PELI2: variants seen among roughly 807,000 people sequenced by gnomAD.
PELI2 encodes the protein E3 ubiquitin-protein ligase pellino homolog 2.
PELI2 carries 23 observed loss-of-function variants against 42.3 expected under a neutral mutation model. The ratio of observed to expected loss-of-function variants is 0.54; its 90% CI spans 0.39 to 0.77. PELI2 has a LOEUF of 0.77. Ranked by LOEUF, PELI2 falls within the 30% of genes least tolerant of loss-of-function variation. The probability of loss-of-function intolerance (pLI) is 0.00; values close to 1 mark genes in which losing one functional copy is unlikely to be tolerated. For missense variants in PELI2, 463 were observed against 553.2 expected (o/e 0.84, Z 1.64); for synonymous variants, 245 against 212.2 (o/e 1.15, Z -1.34).
chr14:56,161,352 G>A (rs953652517), intron 1 of PELI2, among the ~76,000 whole-genome samples: 2 of 151,498 alleles, frequency 1.3e-5, no homozygotes, highest in Admixed American at 6.6e-5. Context: ...TTGGTGCCAG[G>A]CTGGAGTGCA....
At chr14:56,192,904 G>T (rs1304381208) in intron 2 of PELI2, among the ~76,000 whole-genome samples, 1 of 152,124 alleles carries the variant, frequency 6.6e-6, no homozygotes, top group Non-Finnish European at 1.5e-5. Context: ...TCACAGAATG[G>T]AGACCTAAGG....
intron 2 of PELI2, among the ~76,000 whole-genome samples, chr14:56,261,710 A>G (rs1466518673): frequency 6.6e-6 from 1 of 152,142 alleles, no homozygotes; most frequent in Non-Finnish European, 1.5e-5. Flanking sequence ...GGATCAGATG[A>G]CTGCAGTAAA....
At chr14:56,186,571 A>G (rs1358186616) in intron 2 of PELI2, among the ~76,000 whole-genome samples, 1 of 152,198 alleles carries the variant, frequency 6.6e-6, no homozygotes, top group African/African-American at 2.4e-5. Context: ...CACATTACTG[A>G]GCAGCTCTTA....
At chr14:56,290,140 A>T (rs1889779448) in intron 4 of PELI2, 128 bp from the exon 5 acceptor site, 1 of 661,530 alleles carries the variant, frequency 1.5e-6, no homozygotes, top group Non-Finnish European at 2.5e-6. Context: ...ATTAGCTTTA[A>T]ATAGAAAATG....
chr14:56,161,520 G>A lies in PELI2; in HGVS notation c.78-16815G>A, dbSNP rs531352322. On this transcript the variant is annotated intron_variant, in intron 1 of 5. Transcript: ENST00000267460. ...GATCTCTTGACCTCGCGATCCATCCGCCTTGGCCTCCCAAAGTGCTGGGAT... is the reference window on the plus strand; with the variant it reads ...GATCTCTTGACCTCGCGATCCATCCACCTTGGCCTCCCAAAGTGCTGGGAT... Among the ~76,000 whole-genome samples, 8 of 152,158 alleles carry A rather than the reference G, an allele frequency of 5.3e-5. No homozygotes were observed. The South Asian group carries it at 6.2e-4, about 12-fold the overall frequency.
intron 2 of PELI2, among the ~76,000 whole-genome samples, chr14:56,189,697 A>T (rs1447678277): frequency 6.6e-6 from 1 of 152,248 alleles, no homozygotes; most frequent in Non-Finnish European, 1.5e-5. Flanking sequence ...TAACATTTGT[A>T]CTTACTTATT....
At chr14:56,252,575 T>G (rs964706825) in intron 2 of PELI2, among the ~76,000 whole-genome samples, 1 of 152,122 alleles carries the variant, frequency 6.6e-6, no homozygotes, top group Non-Finnish European at 1.5e-5. Flanking sequence ...ATGGGTGGGT[T>G]AAGGAGCAGG....
intron 2 of PELI2, among the ~76,000 whole-genome samples, chr14:56,251,940 A>G (rs1206925357): frequency 1.3e-5 from 2 of 152,166 alleles, no homozygotes; most frequent in African/African-American, 4.8e-5. Flanking sequence ...TATACACCGT[A>G]ATTCTTTTTT....
intron 2 of PELI2, among the ~76,000 whole-genome samples, chr14:56,205,999 T>C (rs994214182): frequency 1.6e-5 from 2 of 124,696 alleles, no homozygotes; most frequent in Non-Finnish European, 3.7e-5. Flanking sequence ...GAACTACAGA[T>C]AACCTACCAA....
chr14:56,230,181 G>A (rs569400789), intron 2 of PELI2, among the ~76,000 whole-genome samples: 19 of 152,250 alleles, frequency 1.2e-4, no homozygotes, highest in African/African-American at 4.6e-4. Context: ...ACTCTTCAGG[G>A]TATTATCCAG....
At chr14:56,129,832 G>A (rs1883416119) in intron 1 of PELI2, among the ~76,000 whole-genome samples, 1 of 152,222 alleles carries the variant, frequency 6.6e-6, no homozygotes, top group Non-Finnish European at 1.5e-5. Context: ...CTCTGAGGGT[G>A]TAATTGATCC....
chr14:56,202,553 C>G (rs754621205), intron 2 of PELI2, among the ~76,000 whole-genome samples: 6 of 152,172 alleles, frequency 3.9e-5, no homozygotes, highest in Non-Finnish European at 8.8e-5. Flanking sequence ...GGCTCTGTGT[C>G]TTTCCCATTA....
intron 2 of PELI2, among the ~76,000 whole-genome samples, chr14:56,206,555 A>C (rs536414844): frequency 9.2e-5 from 14 of 152,340 alleles, no homozygotes; most frequent in African/African-American, 3.4e-4. Flanking sequence ...TATTCCATTA[A>C]AAGCCACTTT....
intron 1 of PELI2, among the ~76,000 whole-genome samples, chr14:56,149,853 GT>G (rs1884272094): frequency 6.6e-6 from 1 of 152,106 alleles, no homozygotes; most frequent in South Asian, 2.1e-4. Context: ...CGTTAAGGAC[GT>G]TTAATGTCTT....
chr14:56,221,084 A>G (rs999257482), intron 2 of PELI2, among the ~76,000 whole-genome samples: 1 of 152,178 alleles, frequency 6.6e-6, no homozygotes, highest in Non-Finnish European at 1.5e-5. Context: ...AAAACTGGCC[A>G]TGCTTTCTAG....
At chr14:56,155,584 T>C (rs1385114153) in intron 1 of PELI2, among the ~76,000 whole-genome samples, 1 of 37,272 alleles carries the variant, frequency 2.7e-5, no homozygotes, top group East Asian at 1.9e-3. Context: ...AGTAATACAT[T>C]TTTTTTTTTT....
intron 1 of PELI2, among the ~76,000 whole-genome samples, chr14:56,160,441 T>C (rs1566612595): frequency 6.6e-6 from 1 of 152,282 alleles, no homozygotes; most frequent in African/African-American, 2.4e-5. Flanking sequence ...TGATGAATGA[T>C]GGTGTGTGGG....
intron 1 of PELI2, among the ~76,000 whole-genome samples, chr14:56,165,360 A>G (rs1360406756): frequency 2.0e-5 from 3 of 152,204 alleles, no homozygotes; most frequent in East Asian, 1.9e-4. Flanking sequence ...ATTAATTTCT[A>G]CTTTTATTCC....
chr14:56,242,952 A>G (rs1888027096), intron 2 of PELI2, among the ~76,000 whole-genome samples: 1 of 152,200 alleles, frequency 6.6e-6, no homozygotes, highest in African/African-American at 2.4e-5. Flanking sequence ...TTACCACTAA[A>G]GAGCTTTCCA....
Sources: gnomAD v4.1 joint callset for allele counts (sites outside exome capture counted in the v4.1 genomes callset) on GRCh38, gnomAD v4.1.1 for gene constraint, MANE v1.5 for transcripts, NCBI Gene and HGNC (gene_info 2026-07-23, HGNC 2026-07-21) for gene names.